Variants in SLC12A2 observed in about 807,000 individuals in gnomAD.
SLC12A2 encodes solute carrier family 12 member 2.
A neutral mutation model predicts 136.3 loss-of-function variants in SLC12A2; 67 were observed. The observed-to-expected ratio is 0.49, with a 90% CI of 0.40 to 0.60. The LOEUF is 0.60. SLC12A2 is among the 20% of genes least tolerant of loss of function. The probability of loss-of-function intolerance (pLI) is 0.00; values close to 1 mark genes in which losing one functional copy is unlikely to be tolerated. For synonymous variants in SLC12A2, 619 were observed against 562.9 expected, an observed-to-expected ratio of 1.10 and a Z score of -1.41; for missense variants, 1,322 against 1,534.7, an observed-to-expected ratio of 0.86 and a Z score of 2.32.
intron 21 of SLC12A2, among the ~76,000 whole-genome samples, 156 bp downstream of exon 21, chr5:128,177,308 T>C (rs1281682529): frequency 6.6e-6 from 1 of 152,110 alleles, no homozygotes; most frequent in African/African-American, 2.4e-5. Context: ...ATTATTAGTC[T>C]AACTAAAAAG....
At chr5:128,088,078 T>C (rs1450126739) in intron 1 of SLC12A2, among the ~76,000 whole-genome samples, 1 of 151,462 alleles carries the variant, frequency 6.6e-6, no homozygotes, top group Non-Finnish European at 1.5e-5. Flanking sequence ...TATTTACATA[T>C]AAAGATTTGG....
rs115109621 is a variant in SLC12A2, at chr5:128,110,853, T to C, written c.757-1961T>C. On this transcript the variant is annotated intron_variant, in intron 1 of 26. Coordinates refer to ENST00000262461, the MANE Select transcript of SLC12A2 (RefSeq NM_001046.3). The stretch of plus-strand genomic sequence containing the variant: ...TCATGGATGATGACATATTCTGTTA[T>C]TATTTCAAACTTTTCCAGGAATATG... 1.6e-3 allele frequency: 2,313 copies of C among 1,445,220 alleles called. 6 individuals carry two copies. Among genetic ancestry groups the C allele is most frequent in the African/African-American group, 0.016 (1,135 of 71,434 alleles). The allele number at this position is 1,445,220 out of a possible 1,614,324, so 89.5% of individuals were successfully genotyped here. A position where few individuals can be genotyped will look rare whatever the true frequency, so the allele number is the denominator to read the frequency against.
chr5:128,101,123 T>G (rs1455346484), intron 1 of SLC12A2, among the ~76,000 whole-genome samples: 1 of 152,148 alleles, frequency 6.6e-6, no homozygotes, highest in Admixed American at 6.5e-5. Flanking sequence ...TGTAAAACAA[T>G]ACTTTGTTTT....
chr5:128,171,433 C>G (rs1158532959), intron 18 of SLC12A2, among the ~76,000 whole-genome samples: 1 of 152,026 alleles, frequency 6.6e-6, no homozygotes, highest in African/African-American at 2.4e-5. Context: ...GGTATAATGT[C>G]AGTACAACAA....
chr5:128,138,755 A>G (rs1452712774), intron 8 of SLC12A2, 31 bp downstream of exon 8: 1 of 1,601,358 alleles, frequency 6.2e-7, no homozygotes, highest in Non-Finnish European at 8.5e-7. Flanking sequence ...TATCAATTAT[A>G]TATTTTAAAA....
Position 128,084,139 on chromosome 5 carries a change from C to G in SLC12A2, c.185C>G (p.Ala62Gly). Residue 62 changes from alanine (A) to glycine (G), a missense_variant, in exon 1 of 27, where the codon GCG becomes GGG. Ala to Gly is a moderately conservative substitution (Grantham distance 60). Transcript: ENST00000262461. This position sits in a 1 kb window ranked among gnomAD's most constrained non-coding sequence, Gnocchi z 5.6. ...GGCGGGGTCCGCGATGAGGGCCCCGCGGCGGCCGGGGACGGGCTGGGCAGA... is the reference window on the plus strand; with the variant it reads ...GGCGGGGTCCGCGATGAGGGCCCCGGGGCGGCCGGGGACGGGCTGGGCAGA... ...DGGGVRDEGP[A>G]AAGDGLGRPL... The G allele has an allele frequency of 7.7e-7, 1 of 1,297,044 alleles. No individual in the cohort carries two copies. Among genetic ancestry groups the G allele is most frequent in the Non-Finnish European group, 9.7e-7 (1 of 1,028,642 alleles). The allele number at this position is 1,297,044 out of a possible 1,614,324, so 80.3% of individuals were successfully genotyped here.
At chr5:128,110,969 A>T (rs1413077275) in intron 1 of SLC12A2, 39 of 810,786 alleles carry the variant, frequency 4.8e-5, no homozygotes, top group Non-Finnish European at 8.2e-5. Context: ...TGCACTTGCC[A>T]TAGGAAAAAG....
chr5:128,126,737 C>A lies in SLC12A2; in HGVS notation c.1049-4330C>A, dbSNP rs113323512. Among the ~76,000 whole-genome samples the A allele has an allele frequency of 7.2e-3, 1,099 of 151,734 alleles. 17 individuals carry two copies. Among genetic ancestry groups the A allele is most frequent in the African/African-American group, 0.025 (1,042 of 41,302 alleles). The stretch of plus-strand genomic sequence containing the variant: ...GACTAGAAGTGTTGAGAATAAACAT[C>A]CTTTCCTTGTTCCTAGTCTTAGAGG... On this transcript the variant is annotated intron_variant, in intron 4 of 26. Transcript: ENST00000262461.
Position 128,150,059 on chromosome 5 carries a change from A to C in SLC12A2, c.2068A>C (p.Asn690His). Residue 690 changes from asparagine to histidine, a missense_variant, in exon 13 of 27, where the codon AAT (asparagine) becomes CAT (histidine). Transcript: ENST00000262461. Reference sequence around the variant, plus strand: ...CTTCCTTGCATCATATGCATTGATCAATTTTTCAGTATTCCATGCATCACT... The same window carrying C: ...CTTCCTTGCATCATATGCATTGATCCATTTTTCAGTATTCCATGCATCACT... Reference protein sequence around the residue: ...NFFLASYALINFSVFHASLAK... With the variant: ...NFFLASYALIHFSVFHASLAK... 2 of 1,610,352 alleles carry C rather than the reference A, an allele frequency of 1.2e-6. No individual in the cohort carries two copies. The highest frequency in any genetic ancestry group is 2.2e-5 in the South Asian group (2 of 90,914).
At chr5:128,094,388 A>G (rs1189567506) in intron 1 of SLC12A2, among the ~76,000 whole-genome samples, 2 of 151,892 alleles carry the variant, frequency 1.3e-5, no homozygotes, top group South Asian at 4.2e-4. Flanking sequence ...TGTTTTGCGT[A>G]TGTGGTGTTT....
intron 1 of SLC12A2, chr5:128,110,900 C>G (rs1382809384): frequency 1.8e-6 from 2 of 1,082,672 alleles, no homozygotes; most frequent in Non-Finnish European, 2.9e-6. Flanking sequence ...GTGAGTGGGC[C>G]GCAAATCTGA....
Position 128,084,417 on chromosome 5 carries a change from A to G in SLC12A2, c.463A>G (p.Ser155Gly), listed in dbSNP as rs1358294164. 2 of 1,612,064 alleles carry G rather than the reference A, an allele frequency of 1.2e-6. No homozygotes were observed. The highest frequency in any genetic ancestry group is 1.7e-6 in the Non-Finnish European group (2 of 1,179,302). The change falls in exon 1 of 27, where the codon AGC (serine) becomes GGC (glycine). Residue 155 changes from serine (S) to glycine (G), a missense_variant. Coordinates refer to ENST00000262461, the MANE Select transcript of SLC12A2 (RefSeq NM_001046.3). The surrounding 1 kb of genome is among the most constrained non-coding windows in gnomAD (Gnocchi z 5.6). The part of the protein sequence containing the change: ...DPAASSSAED[S>G]LSDAAGVGVD... ...AGCTGCCTCCTCGTCGGCTGAAGACAGCCTGTCAGATGCTGCCGGGGTCGG... is the reference window on the plus strand; with the variant it reads ...AGCTGCCTCCTCGTCGGCTGAAGACGGCCTGTCAGATGCTGCCGGGGTCGG...
chr5:128,141,680 A>G, intron 9 of SLC12A2, 150 bp from the exon 10 acceptor site: 1 of 489,488 alleles, frequency 2.0e-6, no homozygotes, highest in Non-Finnish European at 3.3e-6. Context: ...TTCAAGGTAA[A>G]GTCTTAATTG....
chr5:128,088,520 T>A (rs1699516781), intron 1 of SLC12A2, among the ~76,000 whole-genome samples: 1 of 152,146 alleles, frequency 6.6e-6, no homozygotes, highest in Admixed American at 6.5e-5. Context: ...CCTACTGGAT[T>A]TAAAGCATTA....
At chr5:128,136,886 C>A (rs1400096632) in intron 7 of SLC12A2, among the ~76,000 whole-genome samples, 1 of 152,080 alleles carries the variant, frequency 6.6e-6, no homozygotes, top group African/African-American at 2.4e-5. Context: ...AAATATATAT[C>A]CAACTGATTA....
chr5:128,128,348 T>G lies in SLC12A2; in HGVS notation c.1049-2719T>G, dbSNP rs1338658761. ...AGATGGAACTCAGTATTGTCACTAC[T>G]TAGTATCTCTGGCATCTGACTAATT... On this transcript the variant is annotated intron_variant, in intron 4 of 26. Transcript: ENST00000262461. Among the ~76,000 whole-genome samples, 3 of 152,174 alleles carry G rather than the reference T, an allele frequency of 2.0e-5. 1 individual carries two copies. Among genetic ancestry groups the G allele is most frequent in the Non-Finnish European group, 4.4e-5 (3 of 67,988 alleles).
chr5:128,107,505 A>T (rs1760985449), intron 1 of SLC12A2, among the ~76,000 whole-genome samples: 1 of 151,918 alleles, frequency 6.6e-6, no homozygotes, highest in Non-Finnish European at 1.5e-5. Context: ...ATGTGTTCTC[A>T]TTGTTCAGCT....
chr5:128,163,551 G>A (rs898189548), intron 17 of SLC12A2, among the ~76,000 whole-genome samples: 1 of 151,868 alleles, frequency 6.6e-6, no homozygotes, highest in African/African-American at 2.4e-5. Context: ...AAACTTCATG[G>A]CAACGTCATT....
intron 9 of SLC12A2, 71 bp downstream of exon 9, chr5:128,138,979 A>G: frequency 1.9e-6 from 2 of 1,036,470 alleles, no homozygotes; most frequent in African/African-American, 3.2e-5. Flanking sequence ...ACTTATTTTT[A>G]TGACATTTGC....
Sources: allele counts gnomAD v4.1 joint callset (sites outside exome capture counted in the v4.1 genomes callset), GRCh38; gene constraint gnomAD v4.1.1; non-coding constraint Gnocchi (gnomAD v3.1); transcripts MANE v1.5; gene names NCBI Gene and HGNC (gene_info 2026-07-23, HGNC 2026-07-21).